CEP290: variants seen among roughly 807,000 people sequenced by gnomAD.
CEP290 encodes centrosomal protein 290.
CEP290 carries 317 observed loss-of-function variants against 344.9 expected under a neutral mutation model. That is an observed-to-expected ratio of 0.92 (90% CI 0.84 to 1.01). The LOEUF (loss-of-function observed/expected upper bound fraction) is 1.01, where lower values mean the gene tolerates loss of function less well. Among genes scored for constraint, CEP290 ranks in the 50% least tolerant of loss-of-function variants. The pLI, the probability that CEP290 is intolerant of heterozygous loss-of-function variation, is 0.00. For synonymous variants in CEP290, 932 were observed against 895.8 expected, an observed-to-expected ratio of 1.04 and a Z score of -0.72; for missense variants, 2,754 against 2,761.4, an observed-to-expected ratio of 1.00 and a Z score of 0.06.
chr12:88,111,388 T>C (rs1433207235), intron 21 of CEP290, 37 bp from the exon 22 acceptor site: 3 of 1,541,356 alleles, frequency 1.9e-6, no homozygotes, highest in Admixed American at 2.1e-5. Flanking sequence ...ATCACAACTC[T>C]TACACCCAAA....
At position 88,102,818 on chromosome 12, in the gene CEP290, C is replaced by A; in HGVS notation, c.2991+20G>T. On this transcript the variant is annotated intron_variant, in intron 26 of 53. Coordinates refer to ENST00000552810, the MANE Select transcript of CEP290 (RefSeq NM_025114.4). ...GAAAAATGGCTAATTTCACAAGGTT[C>A]AAGAATCACACAAACTTACCTCCAG... 1 of 1,601,910 alleles carries A rather than the reference C, an allele frequency of 6.2e-7. No homozygotes were observed. Among genetic ancestry groups the A allele is most frequent in the South Asian group, 1.1e-5 (1 of 88,144 alleles).
intron 20 of CEP290, among the ~76,000 whole-genome samples, chr12:88,112,522 C>T (rs1447899761): frequency 6.6e-6 from 1 of 151,926 alleles, no homozygotes; most frequent in Non-Finnish European, 1.5e-5. Flanking sequence ...GCATCACTGG[C>T]CCGAAATCTC....
rs1417537739 is a variant in CEP290 at position 88,089,108 on chromosome 12, G to A, written c.3953C>T (p.Thr1318Ile). 1.9e-6 allele frequency: 3 copies of A among 1,569,714 alleles called. No homozygotes were observed. The highest frequency in any genetic ancestry group is 1.9e-5 in the Admixed American group (1 of 53,322). The part of the protein sequence containing the change: ...QQEHRNMENK[T>I]LEMELKLKGL... ...CTTTAATTTTAATTCCATCTCCAAT[G>A]TTTTGTTCTCCATATTTCTATGTTC... The change falls in exon 31 of 54, where the codon ACA becomes ATA. Residue 1318 changes from threonine to isoleucine, a missense_variant. Transcript: ENST00000552810.
At chr12:88,086,222 G>A (rs1398610350) in intron 33 of CEP290, 49 bp from the exon 34 acceptor site, 2 of 1,588,010 alleles carry the variant, frequency 1.3e-6, no homozygotes, top group African/African-American at 1.4e-5. Context: ...AGCATTGAGA[G>A]TAACTATTAA....
intron 5 of CEP290, among the ~76,000 whole-genome samples, chr12:88,138,189 C>A (rs1200184925): frequency 6.6e-6 from 1 of 152,094 alleles, no homozygotes; most frequent in Non-Finnish European, 1.5e-5. Flanking sequence ...CTCCATATCC[C>A]TACCCTTCTG....
chr12:88,065,540 G>T (rs780007141), intron 44 of CEP290, among the ~76,000 whole-genome samples: 1 of 152,114 alleles, frequency 6.6e-6, no homozygotes, highest in East Asian at 1.9e-4. Context: ...CATTAGACAG[G>T]ATAACTTTTA....
At chr12:88,115,646 C>T in intron 18 of CEP290, 13 of 1,079,600 alleles carry the variant, frequency 1.2e-5, no homozygotes, top group South Asian at 1.4e-5. Context: ...TTAAAAAGTA[C>T]AATGTGTATA....
At chr12:88,064,261 A>C (rs574991615) in intron 44 of CEP290, 146 bp from the exon 45 acceptor site, 1 of 627,580 alleles carries the variant, frequency 1.6e-6, no homozygotes, top group African/African-American at 1.9e-5. Flanking sequence ...TGAAAGCCAA[A>C]AATAAATAAG....
rs1423433402 is a variant in CEP290 at position 88,114,991 on chromosome 12, G to A, written c.1909+107C>T. ...GTATATACAGTACAGAGGTAATTAGGAGTAAAGCAGATTAGAAAACAGAGA... is the reference window on the plus strand; with the variant it reads ...GTATATACAGTACAGAGGTAATTAGAAGTAAAGCAGATTAGAAAACAGAGA... On this transcript the variant is annotated intron_variant, in intron 19 of 53. Coordinates refer to ENST00000552810, the MANE Select transcript of CEP290 (RefSeq NM_025114.4). 6.4e-6 allele frequency: 4 copies of A among 625,374 alleles called. No individual in the cohort carries two copies. The South Asian group carries it at 7.7e-5, about 12-fold the overall frequency. 38.7% of individuals were successfully genotyped at this position (625,374 alleles called of 1,614,324 possible).
rs984742201 is a variant in CEP290, at chr12:88,095,127, G to A, written c.3104-1152C>T. Among the ~76,000 whole-genome samples the A allele has an allele frequency of 4.6e-5, 7 of 152,220 alleles. No homozygotes were observed. The East Asian group carries it at 5.8e-4, about 13-fold the overall frequency. On this transcript the variant is annotated intron_variant, in intron 27 of 53. Transcript: ENST00000552810. ...TTCAAGTAACCTTAGGCACCATGTA[G>A]AAAAATACTGCAATAAATACCAATA...
intron 27 of CEP290, among the ~76,000 whole-genome samples, chr12:88,095,511 A>T (rs2037363240): frequency 6.6e-6 from 1 of 152,220 alleles, no homozygotes; most frequent in Non-Finnish European, 1.5e-5. Context: ...ACCTACTAAA[A>T]TTGTACGTAA....
At chr12:88,140,914 A>T (rs2040614858) in intron 3 of CEP290, 42 bp downstream of exon 3, 2 of 1,335,732 alleles carry the variant, frequency 1.5e-6, no homozygotes. Context: ...TTATAGTTCC[A>T]CTAATAGCCA....
rs1592704594 is a variant in CEP290, at chr12:88,049,295, C to T, written c.7329G>A (p.Glu2443=). 6.2e-7 allele frequency: 1 copy of T among 1,604,648 alleles called. No homozygotes were observed. Among genetic ancestry groups the T allele is most frequent in the Non-Finnish European group, 8.5e-7 (1 of 1,173,362 alleles). Residue 2443 remains glutamate, a synonymous_variant, in exon 54 of 54, where the codon GAG becomes GAA. Transcript: ENST00000552810. ...ATTGTTCTGAAAGTTTTTTTACCTT[C>T]TCTTCTAAGAGAATATTCTTCTTCA... ...EEVKKNILLE[E]KVKKLSEQLG...
At chr12:88,095,473 T>G (rs2137396580) in intron 27 of CEP290, among the ~76,000 whole-genome samples, 1 of 152,298 alleles carries the variant, frequency 6.6e-6, no homozygotes, top group East Asian at 1.9e-4. Flanking sequence ...CAGCATTTAT[T>G]AAAAATAAAG....
chr12:88,065,335 T>G (rs988249821), intron 44 of CEP290, among the ~76,000 whole-genome samples: 1 of 50,484 alleles, frequency 2.0e-5, no homozygotes, highest in Non-Finnish European at 1.1e-4. Flanking sequence ...TGTGTCCATC[T>G]GATTTTTGTT....
In CEP290 at chr12:88,060,896, TTTCAACTG is replaced by T. The variant is rs1364945778; in HGVS notation, c.6448_6455del (p.Gln2150LysfsTer8). 4.5e-6 allele frequency: 7 copies of T among 1,552,920 alleles called. No homozygotes were observed. The highest frequency in any genetic ancestry group is 5.2e-6 in the Non-Finnish European group (6 of 1,148,754). On this transcript the variant is annotated frameshift_variant, in exon 47 of 54. Transcript: ENST00000552810. LOFTEE classifies it high-confidence loss of function. Reference sequence around the variant, plus strand: ...CACTAGTCAATATTCCTGATGCTTTTTTCAACTGTTCATTTTCTCTCTGGACTTTTTCA... The same window carrying T: ...CACTAGTCAATATTCCTGATGCTTTTTTCATTTTCTCTCTGGACTTTTTCA...
chr12:88,121,195 TG>T (rs1255747825), intron 13 of CEP290, 29 bp from the exon 14 acceptor site: 1 of 1,553,898 alleles, frequency 6.4e-7, no homozygotes, highest in Non-Finnish European at 8.8e-7. Flanking sequence ...AATCATGAAT[TG>T]AATTGACTAC....
At chr12:88,132,063 T>C (rs2040105537) in intron 6 of CEP290, among the ~76,000 whole-genome samples, 1 of 152,208 alleles carries the variant, frequency 6.6e-6, no homozygotes, top group Non-Finnish European at 1.5e-5. Context: ...ACATAAGAGT[T>C]AAACAAGAAG....
chr12:88,099,266 T>C (rs1222969655), intron 26 of CEP290, among the ~76,000 whole-genome samples: 4 of 152,064 alleles, frequency 2.6e-5, no homozygotes, highest in Admixed American at 1.3e-4. Flanking sequence ...GACTAGCTGG[T>C]TAGGTAACTG....
Sources: allele counts gnomAD v4.1 joint callset (sites outside exome capture counted in the v4.1 genomes callset), GRCh38; gene constraint gnomAD v4.1.1; transcripts MANE v1.5; gene names NCBI Gene and HGNC (gene_info 2026-07-23, HGNC 2026-07-21).